ICE1: variants seen among roughly 807,000 people sequenced by gnomAD.
ICE1 encodes the protein interactor of little elongation complex ELL subunit 1, also known as little elongation complex subunit 1.
In ICE1, 64 loss-of-function variants were observed where a neutral mutation model predicts 192.7. That is an observed-to-expected ratio of 0.33 (90% CI 0.27 to 0.41). ICE1 has a LOEUF of 0.41. ICE1 is among the 10% of genes least tolerant of loss of function. The pLI, the probability that ICE1 is intolerant of heterozygous loss-of-function variation, is 1.00. For missense variants in ICE1, 2,708 were observed against 2,696.0 expected, an observed-to-expected ratio of 1.00 and a Z score of -0.10; for synonymous variants, 1,010 against 984.5, an observed-to-expected ratio of 1.03 and a Z score of -0.49.
intron 1 of ICE1, among the ~76,000 whole-genome samples, chr5:5,435,282 G>GATTA (rs1241246156): frequency 6.6e-6 from 1 of 152,156 alleles, no homozygotes. Context: ...TTAATGTGTA[G>GATTA]ATGTTTTAAC....
chr5:5,459,474 T>C (rs1738688334), intron 12 of ICE1, among the ~76,000 whole-genome samples: 2 of 152,098 alleles, frequency 1.3e-5, no homozygotes, highest in Non-Finnish European at 2.9e-5. Flanking sequence ...TTGAGTGCAG[T>C]GGAAGTCATG....
intron 17 of ICE1, among the ~76,000 whole-genome samples, chr5:5,477,215 A>G (rs1739342024): frequency 6.6e-6 from 1 of 152,178 alleles, no homozygotes; most frequent in Admixed American, 6.5e-5. Context: ...TGGGTTTTTG[A>G]AAAGATTAAC....
chr5:5,473,510 A>G lies in ICE1; in HGVS notation c.6223-48A>G, dbSNP rs371208824. 1.0e-5 allele frequency: 15 copies of G among 1,502,624 alleles called. No homozygotes were observed. In the African/African-American group the frequency reaches 2.0e-4, roughly 20 times the overall value. The allele number at this position is 1,502,624 out of a possible 1,614,324, so 93.1% of individuals were successfully genotyped here. On this transcript the variant is annotated intron_variant, in intron 15 of 18. Transcript: ENST00000296564. ...CTTTTAGATAACTAAGGTAAGATGCATTCTATTTGAAACTCCAGATTTTAT... is the reference window on the plus strand; with the variant it reads ...CTTTTAGATAACTAAGGTAAGATGCGTTCTATTTGAAACTCCAGATTTTAT...
intron 17 of ICE1, among the ~76,000 whole-genome samples, chr5:5,478,194 T>C (rs990320609): frequency 6.6e-6 from 1 of 152,226 alleles, no homozygotes; most frequent in Non-Finnish European, 1.5e-5. Flanking sequence ...ATGACATGAT[T>C]GTATATTTAG....
At chr5:5,428,579 T>C (rs1737598997) in intron 1 of ICE1, among the ~76,000 whole-genome samples, 1 of 152,224 alleles carries the variant, frequency 6.6e-6, no homozygotes. Flanking sequence ...TGCTTCATCA[T>C]TGTCTGCACA....
chr5:5,478,720 A>G (rs1164688831), intron 17 of ICE1, among the ~76,000 whole-genome samples: 2 of 152,246 alleles, frequency 1.3e-5, no homozygotes, highest in Non-Finnish European at 2.9e-5. Context: ...AGAAGCCAAA[A>G]TAGCATGATA....
At chr5:5,479,529 G>T (rs1739435825) in intron 17 of ICE1, among the ~76,000 whole-genome samples, 1 of 152,224 alleles carries the variant, frequency 6.6e-6, no homozygotes, top group South Asian at 2.1e-4. Flanking sequence ...GTGGAAGACA[G>T]TGTGGTGATT....
rs200070153 is a variant in ICE1, at chr5:5,462,294, C to G, written c.2960C>G (p.Pro987Arg). 39 of 1,613,714 alleles carry G rather than the reference C, an allele frequency of 2.4e-5. No homozygotes were observed. The highest frequency in any genetic ancestry group is 3.1e-5 in the Non-Finnish European group (37 of 1,179,834). The change falls in exon 13 of 19, where the codon CCT (proline) becomes CGT (arginine). Residue 987 changes from proline to arginine, a missense_variant. Around this residue, in one of 2 missense-constraint regions of ICE1, gnomAD observed 2,366 missense variants for 2,276.6 expected, o/e 1.04. Transcript: ENST00000296564. ...VQGDGQKQRQ[P>R]QATDLDSSGT... The stretch of plus-strand genomic sequence containing the variant: ...GGAGATGGGCAGAAGCAAAGGCAGC[C>G]TCAGGCCACAGATCTGGACTCCAGT...
At chr5:5,475,045 A>G (rs1197864932) in intron 16 of ICE1, among the ~76,000 whole-genome samples, 2 of 152,186 alleles carry the variant, frequency 1.3e-5, no homozygotes, top group Non-Finnish European at 2.9e-5. Context: ...AGTCTGTATA[A>G]TGATGTGTCA....
At position 5,457,758 on chromosome 5, in the gene ICE1, G is replaced by C. The variant is rs758018645; in HGVS notation, c.1101+17G>C. ...TTTGCACCTGTGAGTTTTGCTCTCT[G>C]AATTTGAATTACCAAGTGGGTACAT... On this transcript the variant is annotated intron_variant, in intron 12 of 18. Transcript: ENST00000296564. The C allele has an allele frequency of 8.8e-6, 14 of 1,597,468 alleles. No homozygotes were observed. Among genetic ancestry groups the C allele is most frequent in the Non-Finnish European group, 1.0e-5 (12 of 1,168,590 alleles).
chr5:5,438,625 A>G (rs1737949875), intron 3 of ICE1, among the ~76,000 whole-genome samples: 1 of 152,136 alleles, frequency 6.6e-6, no homozygotes, highest in African/African-American at 2.4e-5. Context: ...CAGTATTAGG[A>G]GAGTATGTGT....
chr5:5,423,717 C>A (rs1737418782), intron 1 of ICE1, among the ~76,000 whole-genome samples: 1 of 152,192 alleles, frequency 6.6e-6, no homozygotes, highest in Non-Finnish European at 1.5e-5. Flanking sequence ...TTTCCCACGA[C>A]TCTCCTAGCT....
Position 5,469,008 on chromosome 5 carries a change from C to G in ICE1, c.6222+20C>G, listed in dbSNP as rs1422414478. On this transcript the variant is annotated intron_variant, in intron 15 of 18. Coordinates refer to ENST00000296564, the MANE Select transcript of ICE1 (RefSeq NM_015325.3). ...GAAAAGGTGAGCCATATTTCTGTTT[C>G]TTACAGTATCTTACTTTTAGATATT... 1 of 1,439,898 alleles carries G rather than the reference C, an allele frequency of 6.9e-7. No individual in the cohort carries two copies. Among genetic ancestry groups the G allele is most frequent in the African/African-American group, 1.5e-5 (1 of 68,480 alleles). The allele number at this position is 1,439,898 out of a possible 1,614,324, so 89.2% of individuals were successfully genotyped here.
intron 1 of ICE1, among the ~76,000 whole-genome samples, chr5:5,433,426 G>C (rs1343404632): frequency 6.6e-6 from 1 of 152,122 alleles, no homozygotes; most frequent in African/African-American, 2.4e-5. Context: ...AAATGGAGCT[G>C]GTTCTCACTT....
rs371011336 is a variant in ICE1, at chr5:5,448,026, A to G, written c.604+129A>G. 162 of 651,738 alleles carry G rather than the reference A, an allele frequency of 2.5e-4. 1 individual carries two copies. The African/African-American group carries it at 2.5e-3, about 10-fold the overall frequency. The allele number at this position is 651,738 out of a possible 1,614,324, so 40.4% of individuals were successfully genotyped here. A position where few individuals can be genotyped will look rare whatever the true frequency, so the allele number is the denominator to read the frequency against. On this transcript the variant is annotated intron_variant, in intron 10 of 18. Transcript: ENST00000296564. Reference sequence around the variant, plus strand: ...TAGATGTTTCGTTTTAGTAGAAGTCATATATTATTGTGTCTTCATTAGATC... The same window carrying G: ...TAGATGTTTCGTTTTAGTAGAAGTCGTATATTATTGTGTCTTCATTAGATC...
At position 5,437,094 on chromosome 5, in the gene ICE1, A is replaced by C; in HGVS notation, c.158A>C (p.Glu53Ala). The C allele has an allele frequency of 6.5e-7, 1 of 1,531,968 alleles. No individual in the cohort carries two copies. The highest frequency in any genetic ancestry group is 1.2e-5 in the South Asian group (1 of 84,536). The allele number at this position is 1,531,968 out of a possible 1,614,324, so 94.9% of individuals were successfully genotyped here. Residue 53 changes from glutamate (E) to alanine (A), a missense_variant, in exon 3 of 19, where the codon GAA (glutamate) becomes GCA (alanine). Glu to Ala is a moderately radical substitution (Grantham distance 107). This residue lies in a region of ICE1 where 2,366 missense variants were observed against 2,276.6 expected (regional missense o/e 1.04). Coordinates refer to ENST00000296564, the MANE Select transcript of ICE1 (RefSeq NM_015325.3). ...CTTTTTTGCAGTAATTTGTTAACAG[A>C]ATATCAGAAGAAATGTGATGATATC... ...KIINTDNLLT[E>A]YQKKCDELQF...
In ICE1 at chr5:5,489,484, C is replaced by A; in HGVS notation, c.*154C>A. 1 of 637,684 alleles carries A rather than the reference C, an allele frequency of 1.6e-6. No individual in the cohort carries two copies. Among genetic ancestry groups the A allele is most frequent in the Non-Finnish European group, 2.5e-6 (1 of 394,240 alleles). The allele number at this position is 637,684 out of a possible 1,614,324, so 39.5% of individuals were successfully genotyped here. On this transcript the variant is annotated 3_prime_UTR_variant, in exon 19 of 19. Coordinates refer to ENST00000296564, the MANE Select transcript of ICE1 (RefSeq NM_015325.3). ...CTCTCCTTATTGTTTGGCAAGGAGA[C>A]AGGAGAAACAAGCAGTCGCATAGTC...
rs749536713 is a variant in ICE1 at position 5,462,715 on chromosome 5, T to C, written c.3381T>C (p.Asp1127=). Residue 1127 remains aspartate, a synonymous_variant, in exon 13 of 19, where the codon GAT becomes GAC. Transcript: ENST00000296564. ...SEGSEQQDAP[D]DSQKNLGDTD... ...GGAGCGAACAGCAAGATGCTCCTGA[T>C]GACTCACAGAAAAATTTAGGAGACA... 6.2e-7 allele frequency: 1 copy of C among 1,613,748 alleles called. No individual in the cohort carries two copies. Among genetic ancestry groups the C allele is most frequent in the Non-Finnish European group, 8.5e-7 (1 of 1,179,818 alleles).
At chr5:5,444,498 C>T (rs756822287) in intron 7 of ICE1, among the ~76,000 whole-genome samples, 172 bp downstream of exon 7, 3 of 152,192 alleles carry the variant, frequency 2.0e-5, no homozygotes, top group Non-Finnish European at 4.4e-5. Flanking sequence ...CTACTCTCCT[C>T]TCAGTTACCA....
Sources: gnomAD v4.1 joint callset for allele counts (sites outside exome capture counted in the v4.1 genomes callset) on GRCh38, gnomAD v4.1.1 for gene constraint, gnomAD v4.1.1 regional missense constraint, MANE v1.5 for transcripts, NCBI Gene and HGNC (gene_info 2026-07-23, HGNC 2026-07-21) for gene names.